CELF1: variants seen among roughly 807,000 people sequenced by gnomAD.
CELF1 encodes the protein CUGBP Elav-like family member 1, also known as 50 kDa nuclear polyadenylated RNA-binding protein.
A neutral mutation model predicts 61.8 loss-of-function variants in CELF1; 10 were observed. That is an observed-to-expected ratio of 0.16 (90% confidence interval 0.10 to 0.27). The LOEUF is 0.27. Among genes scored for constraint, CELF1 ranks in the 10% least tolerant of loss-of-function variants. The pLI is 1.00. For synonymous variants in CELF1, 236 were observed against 225.1 expected, an observed-to-expected ratio of 1.05 and a Z score of -0.43; for missense variants, 380 against 639.1, an observed-to-expected ratio of 0.59 and a Z score of 4.37.
chr11:47,516,223 GA>G (rs932734457), intron 1 of CELF1, among the ~76,000 whole-genome samples: 1 of 152,086 alleles, frequency 6.6e-6, no homozygotes, highest in African/African-American at 2.4e-5. Flanking sequence ...AAGAGAGAGA[GA>G]AAAGGACTGA....
At chr11:47,499,137 T>A (rs1051317188) in intron 3 of CELF1, among the ~76,000 whole-genome samples, 3 of 149,768 alleles carry the variant, frequency 2.0e-5, no homozygotes, top group South Asian at 2.1e-4. Flanking sequence ...TGCTACAGTT[T>A]AAAAAAAAAA....
chr11:47,475,389 T>C lies in CELF1; in HGVS notation c.1220A>G (p.Asn407Ser). The change falls in exon 13 of 15, where the codon AAC becomes AGC. Residue 407 changes from asparagine to serine, a missense_variant. Physicochemically the swap from Asn to Ser is conservative, Grantham distance 46. Coordinates refer to ENST00000687097, the MANE Select transcript of CELF1 (RefSeq NM_001376376.1). ...ACTCTGCTGTGTCAGAAGATTCTGG[T>C]TGTACAGAGTGGGGAGCGCAGCAGC... ...YAAAALPTLY[N>S]QNLLTQQSIG... 6.2e-7 allele frequency: 1 copy of C among 1,614,036 alleles called. No individual in the cohort carries two copies. Among genetic ancestry groups the C allele is most frequent in the African/African-American group, 1.3e-5 (1 of 75,016 alleles).
In CELF1 at chr11:47,553,025, T is replaced by C. The variant is rs2153786485; in HGVS notation, c.-187A>G. 1 of 398,916 alleles carries C rather than the reference T, an allele frequency of 2.5e-6. No homozygotes were observed. Among genetic ancestry groups the C allele is most frequent in the Middle Eastern group, 6.3e-4 (1 of 1,596 alleles). The allele number at this position is 398,916 out of a possible 1,614,324, so 24.7% of individuals were successfully genotyped here. On this transcript the variant is annotated 5_prime_UTR_variant, in exon 1 of 15. Transcript: ENST00000687097. Reference sequence around the variant, plus strand: ...GCACCTGAGCCTGCCGCTGCCTCAGTTGCTGCCTGCGCCTCCGCAGCCGCC... The same window carrying C: ...GCACCTGAGCCTGCCGCTGCCTCAGCTGCTGCCTGCGCCTCCGCAGCCGCC...
At chr11:47,509,743 T>A (rs1597395732) in intron 1 of CELF1, among the ~76,000 whole-genome samples, 1 of 151,854 alleles carries the variant, frequency 6.6e-6, no homozygotes, top group South Asian at 2.1e-4. Flanking sequence ...ATACAAACAT[T>A]AGGCCAGATG....
chr11:47,548,380 G>T (rs2097037591), intron 1 of CELF1, among the ~76,000 whole-genome samples: 1 of 152,164 alleles, frequency 6.6e-6, no homozygotes, highest in African/African-American at 2.4e-5. Flanking sequence ...AAAACTTCAT[G>T]ATATTGGATT....
chr11:47,545,100 C>T (rs2096899092), intron 1 of CELF1, among the ~76,000 whole-genome samples: 1 of 152,144 alleles, frequency 6.6e-6, no homozygotes, highest in South Asian at 2.1e-4. Flanking sequence ...CTGGCCAAGC[C>T]TGGCCAACAT....
At chr11:47,484,317 CAAAA>C in intron 7 of CELF1, 68 bp downstream of exon 7, 1 of 1,272,326 alleles carries the variant, frequency 7.9e-7, no homozygotes. Context: ...ACCTTGTCTC[CAAAA>C]AAAAAAAAAC....
intron 1 of CELF1, among the ~76,000 whole-genome samples, chr11:47,517,017 T>C (rs1057010532): frequency 6.6e-6 from 1 of 152,112 alleles, no homozygotes; most frequent in Non-Finnish European, 1.5e-5. Context: ...CTCAGCACTT[T>C]GGGAGGACTG....
rs373311413 is a variant in CELF1 at position 47,564,981 on chromosome 11, C to G, written c.-130+293G>C. 6.6e-5 allele frequency among the ~76,000 whole-genome samples: 10 copies of G among 152,198 alleles called. No individual in the cohort carries two copies. In the East Asian group the frequency reaches 1.2e-3, roughly 18 times the overall value. On this transcript the variant is annotated intron_variant, in intron 1 of 3. Transcript: ENST00000525841. ...GTCAGATGAAGGAGGGAGCCCTGCC[C>G]TAGGACAGGGGAGGGGAGGAGGAAG...
intron 1 of CELF1, among the ~76,000 whole-genome samples, chr11:47,547,091 A>AAAAAAAAAAG (rs1390852543): frequency 3.6e-5 from 5 of 138,674 alleles, no homozygotes; most frequent in Non-Finnish European, 8.1e-5. Flanking sequence ...AAAAAAAAAA[A>AAAAAAAAAAG]AAGAAAGAAA....
At chr11:47,497,746 C>A (rs912411004) in intron 3 of CELF1, among the ~76,000 whole-genome samples, 1 of 152,082 alleles carries the variant, frequency 6.6e-6, no homozygotes, top group African/African-American at 2.4e-5. Context: ...TCTTGGGGGT[C>A]CTATTCTAGA....
intron 9 of CELF1, among the ~76,000 whole-genome samples, chr11:47,480,165 C>T (rs1043018446): frequency 6.6e-6 from 1 of 151,446 alleles, no homozygotes; most frequent in Non-Finnish European, 1.5e-5. Flanking sequence ...CAGCTCACTG[C>T]AACCTCCGCC....
chr11:47,564,962 T>G (rs1381703946), intron 1 of CELF1, among the ~76,000 whole-genome samples: 2 of 152,124 alleles, frequency 1.3e-5, no homozygotes, highest in African/African-American at 4.8e-5. Flanking sequence ...TTTGGTCAGA[T>G]GAAGGAGGGA....
chr11:47,535,679 CAAAA>C (rs111271894), intron 1 of CELF1, among the ~76,000 whole-genome samples: 1 of 95,032 alleles, frequency 1.1e-5, no homozygotes, highest in African/African-American at 3.7e-5. Context: ...AACCCCATCT[CAAAA>C]AAAAAAAAAA....
chr11:47,490,196 A>G (rs1217656177), intron 3 of CELF1, among the ~76,000 whole-genome samples: 3 of 151,666 alleles, frequency 2.0e-5, no homozygotes, highest in East Asian at 1.9e-4. Context: ...TCGGCCTCCT[A>G]AAGTGCTGGG....
chr11:47,548,865 CAAAA>C (rs35634201), intron 1 of CELF1, among the ~76,000 whole-genome samples: 7 of 83,604 alleles, frequency 8.4e-5, no homozygotes, highest in Middle Eastern at 0.013. Flanking sequence ...GACTCCATCT[CAAAA>C]AAAAAAAAAA....
chr11:47,477,492 A>G (rs1402982479), intron 10 of CELF1, 67 bp from the exon 11 acceptor site: 16 of 1,548,996 alleles, frequency 1.0e-5, no homozygotes, highest in Middle Eastern at 2.1e-4. Context: ...CAGCAATGAC[A>G]AGCACACACT....
chr11:47,506,891 C>G lies in CELF1; in HGVS notation c.-153-5959G>C, dbSNP rs545041971. The G allele has an allele frequency of 1.1e-4, 17 of 152,318 alleles. No homozygotes were observed. The East Asian group carries it at 3.3e-3, about 29-fold the overall frequency. 9.4% of individuals were successfully genotyped at this position (152,318 alleles called of 1,614,324 possible). ...TTACACTTCCCTCTCTGGACTATGT[C>G]TTCACTCTAAAAAACCAAGGAAAGA... On this transcript the variant is annotated intron_variant, in intron 1 of 14. Coordinates refer to ENST00000687097, the MANE Select transcript of CELF1 (RefSeq NM_001376376.1).
chr11:47,489,105 C>G, intron 3 of CELF1, 81 bp from the exon 4 acceptor site: 1 of 1,218,478 alleles, frequency 8.2e-7, no homozygotes, highest in Non-Finnish European at 1.1e-6. Flanking sequence ...ATGATCTTAA[C>G]TAGTTCTGAG....
Sources: gnomAD v4.1 joint callset for allele counts (sites outside exome capture counted in the v4.1 genomes callset) on GRCh38, gnomAD v4.1.1 for gene constraint, MANE v1.5 for transcripts, NCBI Gene and HGNC (gene_info 2026-07-23, HGNC 2026-07-21) for gene names.